Variants in NELL1 observed in about 807,000 individuals in gnomAD.
NELL1 encodes the protein neural EGFL like 1, also known as protein kinase C-binding protein NELL1.
In NELL1, 76 loss-of-function variants were observed where a neutral mutation model predicts 107.4. The ratio of observed to expected loss-of-function variants is 0.71; its 90% CI spans 0.59 to 0.86. The LOEUF is 0.86. Among genes scored for constraint, NELL1 ranks in the 40% least tolerant of loss-of-function variants. The pLI is 0.00. For synonymous variants in NELL1, 353 were observed against 341.2 expected (o/e 1.03, Z -0.38); for missense variants, 1,024 against 1,005.5 (o/e 1.02, Z -0.25).
chr11:20,861,657 G>T (rs1020639693), intron 4 of NELL1, among the ~76,000 whole-genome samples: 3 of 152,214 alleles, frequency 2.0e-5, no homozygotes, highest in Non-Finnish European at 2.9e-5. Flanking sequence ...AGGGTCAGGT[G>T]CTCTGAGCAG....
chr11:21,422,642 G>T (rs1852710555), intron 15 of NELL1, among the ~76,000 whole-genome samples: 2 of 152,074 alleles, frequency 1.3e-5, no homozygotes, highest in Admixed American at 1.3e-4. Context: ...AGTTTAGGAT[G>T]TTAAATGTAA....
At chr11:21,455,463 C>G (rs1005088684) in intron 15 of NELL1, among the ~76,000 whole-genome samples, 7 of 151,690 alleles carry the variant, frequency 4.6e-5, no homozygotes, top group Non-Finnish European at 1.0e-4. Flanking sequence ...TCCCAAGTAG[C>G]TGGGACTACA....
intron 12 of NELL1, among the ~76,000 whole-genome samples, chr11:21,060,501 C>G (rs867593019): frequency 6.6e-6 from 1 of 152,014 alleles, no homozygotes; most frequent in Non-Finnish European, 1.5e-5. Flanking sequence ...AACATTGCAA[C>G]CTAGTTCTCA....
At chr11:21,364,765 G>A (rs919484223) in intron 14 of NELL1, among the ~76,000 whole-genome samples, 1 of 152,128 alleles carries the variant, frequency 6.6e-6, no homozygotes, top group Non-Finnish European at 1.5e-5. Context: ...AGATATGTAG[G>A]TGGTAAATGA....
At chr11:20,792,676 A>G (rs754373346) in intron 3 of NELL1, among the ~76,000 whole-genome samples, 3 of 151,932 alleles carry the variant, frequency 2.0e-5, no homozygotes, top group Non-Finnish European at 4.4e-5. Flanking sequence ...AGAATCTATA[A>G]TGTTGAGCTA....
chr11:21,061,636 A>G (rs1220355734), intron 12 of NELL1, among the ~76,000 whole-genome samples: 4 of 151,092 alleles, frequency 2.6e-5, no homozygotes, highest in Non-Finnish European at 5.9e-5. Flanking sequence ...GCTGTGCTCA[A>G]GAAACATGAA....
At chr11:21,303,488 GAC>G (rs1454836347) in intron 14 of NELL1, among the ~76,000 whole-genome samples, 1 of 151,924 alleles carries the variant, frequency 6.6e-6, no homozygotes, top group African/African-American at 2.4e-5. Flanking sequence ...GTTTCCATCT[GAC>G]TGTAGCCTTA....
At chr11:21,023,709 A>G (rs1852751901) in intron 12 of NELL1, among the ~76,000 whole-genome samples, 1 of 151,980 alleles carries the variant, frequency 6.6e-6, no homozygotes, top group African/African-American at 2.4e-5. Context: ...GTGGAGTAAT[A>G]TAGTGTGGAA....
At chr11:21,162,675 C>G (rs1034158840) in intron 13 of NELL1, among the ~76,000 whole-genome samples, 1 of 152,108 alleles carries the variant, frequency 6.6e-6, no homozygotes, top group Non-Finnish European at 1.5e-5. Context: ...GATCTTCAAC[C>G]TGTTAGATAT....
At chr11:20,728,941 TG>T (rs1357713357) in intron 2 of NELL1, among the ~76,000 whole-genome samples, 1 of 152,212 alleles carries the variant, frequency 6.6e-6, no homozygotes, top group Non-Finnish European at 1.5e-5. Context: ...TCCAAAAGAA[TG>T]GAATACTTTT....
chr11:21,559,207 C>CCTTATT (rs1344163048), intron 16 of NELL1, among the ~76,000 whole-genome samples: 2 of 152,086 alleles, frequency 1.3e-5, no homozygotes, highest in Non-Finnish European at 2.9e-5. Context: ...TAAACCAAAA[C>CCTTATT]CAAGTAGACT....
intron 13 of NELL1, among the ~76,000 whole-genome samples, chr11:21,147,660 C>T (rs1856011585): frequency 6.6e-6 from 1 of 151,122 alleles, no homozygotes; most frequent in Non-Finnish European, 1.5e-5. Flanking sequence ...TGGAGAAAAC[C>T]CATCCATCTC....
At chr11:20,863,148 G>A (rs1252523668) in intron 4 of NELL1, among the ~76,000 whole-genome samples, 1 of 151,996 alleles carries the variant, frequency 6.6e-6, no homozygotes, top group African/African-American at 2.4e-5. Context: ...GCCGGGCAGA[G>A]GGGCTCCTCA....
intron 12 of NELL1, among the ~76,000 whole-genome samples, chr11:21,047,998 T>C (rs940197): frequency 0.34 from 50,982 of 152,002 alleles, 9,728 homozygotes; most frequent in East Asian, 0.58. Flanking sequence ...TACACCCTTA[T>C]GCTGATGGCA....
chr11:20,869,785 T>A (rs757338609), intron 4 of NELL1, among the ~76,000 whole-genome samples: 1 of 152,154 alleles, frequency 6.6e-6, no homozygotes, highest in Non-Finnish European at 1.5e-5. Context: ...TACTGCTGAG[T>A]GGTCATGCCA....
At chr11:21,001,274 A>T (rs960508382) in intron 12 of NELL1, among the ~76,000 whole-genome samples, 1 of 152,210 alleles carries the variant, frequency 6.6e-6, no homozygotes, top group Non-Finnish European at 1.5e-5. Flanking sequence ...TAAAACATTT[A>T]TTTGGACAAA....
At chr11:21,309,694 C>T (rs1160514465) in intron 14 of NELL1, among the ~76,000 whole-genome samples, 5 of 151,864 alleles carry the variant, frequency 3.3e-5, no homozygotes, top group Admixed American at 2.0e-4. Flanking sequence ...CTCACAATCA[C>T]GGCAGAAGGC....
intron 4 of NELL1, among the ~76,000 whole-genome samples, chr11:20,853,411 G>A (rs1485364733): frequency 6.6e-6 from 1 of 152,186 alleles, no homozygotes; most frequent in African/African-American, 2.4e-5. Context: ...GTGAAAGCAA[G>A]AAATCTATGT....
At chr11:21,208,986 C>A (rs1857444757) in intron 13 of NELL1, among the ~76,000 whole-genome samples, 1 of 152,074 alleles carries the variant, frequency 6.6e-6, no homozygotes, top group Admixed American at 6.6e-5. Context: ...ACTTTTTGGG[C>A]TAGATAGTAA....
Sources: gnomAD v4.1 joint callset for allele counts (sites outside exome capture counted in the v4.1 genomes callset) on GRCh38, gnomAD v4.1.1 for gene constraint, MANE v1.5 for transcripts, NCBI Gene and HGNC (gene_info 2026-07-23, HGNC 2026-07-21) for gene names.